PPFIA2: variants seen among roughly 807,000 people sequenced by gnomAD.
The protein encoded by PPFIA2 is PPFI scaffold protein A2, also known as liprin-alpha-2.
Under a neutral mutation model 175.5 loss-of-function variants are expected in PPFIA2, and 46 were observed. That is an observed-to-expected ratio of 0.26 (90% CI 0.21 to 0.34). The LOEUF (loss-of-function observed/expected upper bound fraction) is 0.34. Ranked by LOEUF, PPFIA2 falls within the 10% of genes least tolerant of loss-of-function variation. The pLI is 1.00. For missense variants in PPFIA2, 1,179 were observed against 1,506.1 expected, an observed-to-expected ratio of 0.78 and a Z score of 3.60; for synonymous variants, 568 against 511.4, an observed-to-expected ratio of 1.11 and a Z score of -1.49.
intron 4 of PPFIA2, among the ~76,000 whole-genome samples, chr12:81,610,163 C>T (rs770727052): frequency 6.6e-6 from 1 of 151,988 alleles, no homozygotes; most frequent in African/African-American, 2.4e-5. Flanking sequence ...TACTTTTGTA[C>T]CTGACTTGAC....
At chr12:81,269,846 T>G (rs1190520299) in intron 28 of PPFIA2, among the ~76,000 whole-genome samples, 1 of 152,168 alleles carries the variant, frequency 6.6e-6, no homozygotes, top group Non-Finnish European at 1.5e-5. Context: ...TGCTGCAATG[T>G]GTCCATTCTA....
intron 7 of PPFIA2, among the ~76,000 whole-genome samples, chr12:81,437,932 C>CTT (rs757626140): frequency 2.9e-5 from 4 of 139,866 alleles, no homozygotes; most frequent in African/African-American, 7.8e-5. Context: ...TCTCTTATTT[C>CTT]TTTTTTTTTT....
At chr12:81,353,364 G>T in intron 16 of PPFIA2, 25 bp from the exon 17 acceptor site, 1 of 1,502,700 alleles carries the variant, frequency 6.7e-7, no homozygotes, top group Non-Finnish European at 9.3e-7. Flanking sequence ...AAAAAATGCA[G>T]AATATTTATC....
chr12:81,560,391 T>A (rs1594945006), intron 4 of PPFIA2, among the ~76,000 whole-genome samples: 1 of 152,288 alleles, frequency 6.6e-6, no homozygotes, highest in Non-Finnish European at 1.5e-5. Context: ...TAATCATATG[T>A]CATTAGTTTT....
At chr12:81,604,016 C>T (rs186844692) in intron 4 of PPFIA2, among the ~76,000 whole-genome samples, 8 of 151,666 alleles carry the variant, frequency 5.3e-5, no homozygotes, top group East Asian at 1.9e-4. Flanking sequence ...AATATCAGTG[C>T]TTTAGGAACT....
At chr12:81,633,320 G>A (rs2063609097) in intron 4 of PPFIA2, among the ~76,000 whole-genome samples, 1 of 152,120 alleles carries the variant, frequency 6.6e-6, no homozygotes, top group Non-Finnish European at 1.5e-5. Flanking sequence ...GACAGAAAGA[G>A]TATTGAAATA....
At chr12:81,313,022 G>C (rs1265952118) in intron 22 of PPFIA2, among the ~76,000 whole-genome samples, 1 of 151,946 alleles carries the variant, frequency 6.6e-6, no homozygotes, top group Non-Finnish European at 1.5e-5. Context: ...GTTTATAAAT[G>C]TTGTTTTTGG....
intron 4 of PPFIA2, among the ~76,000 whole-genome samples, chr12:81,580,391 C>G (rs1410185931): frequency 1.3e-5 from 2 of 151,610 alleles, no homozygotes; most frequent in Non-Finnish European, 2.9e-5. Flanking sequence ...GGATTCCATA[C>G]TAATAACTTT....
chr12:81,315,241 T>G (rs2052043382), intron 22 of PPFIA2, among the ~76,000 whole-genome samples: 1 of 151,868 alleles, frequency 6.6e-6, no homozygotes, highest in Non-Finnish European at 1.5e-5. Context: ...TAGGTAATGC[T>G]GAATTTCACA....
chr12:81,298,672 C>A (rs1459746216), intron 23 of PPFIA2, among the ~76,000 whole-genome samples: 1 of 152,176 alleles, frequency 6.6e-6, no homozygotes, highest in Non-Finnish European at 1.5e-5. Context: ...ATGTCAAGGT[C>A]AGTTTCTGCT....
At chr12:81,712,529 G>A (rs1653051464) in intron 3 of PPFIA2, among the ~76,000 whole-genome samples, 1 of 151,092 alleles carries the variant, frequency 6.6e-6, no homozygotes, top group South Asian at 2.1e-4. Context: ...TAGAGTAAGA[G>A]TTTAGTAATA....
chr12:81,627,267 A>T (rs1009590296), intron 4 of PPFIA2, among the ~76,000 whole-genome samples: 14 of 152,078 alleles, frequency 9.2e-5, no homozygotes, highest in Admixed American at 3.3e-4. Context: ...TGAATATTTC[A>T]ACATAACTAG....
intron 4 of PPFIA2, among the ~76,000 whole-genome samples, chr12:81,494,615 A>G (rs933884441): frequency 7.2e-5 from 11 of 152,092 alleles, no homozygotes; most frequent in South Asian, 2.1e-4. Context: ...AAGGACTATA[A>G]ATCATGCTGC....
chr12:81,500,825 GT>G (rs2060520792), intron 4 of PPFIA2, among the ~76,000 whole-genome samples: 1 of 152,120 alleles, frequency 6.6e-6, no homozygotes, highest in Non-Finnish European at 1.5e-5. Context: ...AATTTTATCT[GT>G]TAATTTAACC....
Position 81,504,488 on chromosome 12 carries a change from G to C in PPFIA2, c.304-46622C>G, listed in dbSNP as rs554777620. ...AGAATGGCGATCATTAAAAAGTCAGGAAACAACAGATGCTGGAGAGGACAT... is the reference window on the plus strand; with the variant it reads ...AGAATGGCGATCATTAAAAAGTCAGCAAACAACAGATGCTGGAGAGGACAT... On this transcript the variant is annotated intron_variant, in intron 4 of 32. Transcript: ENST00000549396. Among the ~76,000 whole-genome samples, 18 of 152,226 alleles carry C rather than the reference G, an allele frequency of 1.2e-4. No individual in the cohort carries two copies. In the South Asian group the frequency reaches 2.9e-3, roughly 25 times the overall value.
intron 4 of PPFIA2, among the ~76,000 whole-genome samples, chr12:81,502,372 A>T (rs2060677743): frequency 6.6e-6 from 1 of 152,206 alleles, no homozygotes; most frequent in African/African-American, 2.4e-5. Flanking sequence ...ATCAGTTTTC[A>T]GTTCTGGCTG....
chr12:81,384,646 G>A (rs1566585385), intron 8 of PPFIA2, among the ~76,000 whole-genome samples: 1 of 151,882 alleles, frequency 6.6e-6, no homozygotes, highest in Non-Finnish European at 1.5e-5. Context: ...GACCTATAAG[G>A]TGTACAATTT....
intron 4 of PPFIA2, among the ~76,000 whole-genome samples, chr12:81,594,196 A>G (rs966671693): frequency 2.6e-5 from 4 of 152,092 alleles, no homozygotes; most frequent in Non-Finnish European, 5.9e-5. Context: ...GTTCATGGAA[A>G]AATTGTCTTC....
intron 4 of PPFIA2, among the ~76,000 whole-genome samples, chr12:81,513,966 A>G (rs1178609996): frequency 1.3e-5 from 2 of 152,054 alleles, no homozygotes; most frequent in African/African-American, 4.8e-5. Context: ...ATGAACAAGC[A>G]AAGAAACCAC....
Sources: allele counts gnomAD v4.1 joint callset (sites outside exome capture counted in the v4.1 genomes callset), GRCh38; gene constraint gnomAD v4.1.1; transcripts MANE v1.5; gene names NCBI Gene and HGNC (gene_info 2026-07-23, HGNC 2026-07-21).